Variants in B2M observed in about 807,000 individuals in gnomAD.
B2M encodes beta chain of MHC class I molecules.
A neutral mutation model predicts 14.5 loss-of-function variants in B2M; 3 were observed. The observed-to-expected ratio is 0.21, with a 90% CI of 0.09 to 0.53. The LOEUF (loss-of-function observed/expected upper bound fraction) is 0.53, where lower values mean the gene tolerates loss of function less well. B2M is among the 20% of genes least tolerant of loss of function. B2M has a pLI of 0.95. For synonymous variants in B2M, 45 were observed against 52.7 expected, an observed-to-expected ratio of 0.85 and a Z score of 0.64; for missense variants, 107 against 140.8, an observed-to-expected ratio of 0.76 and a Z score of 1.21.
In B2M at chr15:44,717,867, C is replaced by T. The variant is rs1229427253; in HGVS notation, c.*275C>T. ...AGAGAATTCTCTTATCCAACATCAA[C>T]ATCTTGGTCAGATTTGAACTCTTCA... On this transcript the variant is annotated 3_prime_UTR_variant, in exon 4 of 4. Transcript: ENST00000648006. The T allele has an allele frequency of 1.3e-5, 2 of 152,204 alleles. No homozygotes were observed. Among genetic ancestry groups the T allele is most frequent in the East Asian group, 3.8e-4 (2 of 5,204 alleles). 9.4% of individuals were successfully genotyped at this position (152,204 alleles called of 1,614,324 possible). A position where few individuals can be genotyped will look rare whatever the true frequency, so the allele number is the denominator to read the frequency against.
chr15:44,711,757 C>A, intron 1 of B2M, 144 bp downstream of exon 1: 1 of 1,114,688 alleles, frequency 9.0e-7, no homozygotes, highest in Non-Finnish European at 1.3e-6. Flanking sequence ...AGGGCTGGAT[C>A]TCGGGGAAGC....
chr15:44,712,030 C>A (rs925492573), intron 1 of B2M: 1 of 288,144 alleles, frequency 3.5e-6, no homozygotes, highest in Admixed American at 4.8e-5. Flanking sequence ...GGTTTGTGAA[C>A]GCGTGGAGGG....
intron 1 of B2M, among the ~76,000 whole-genome samples, chr15:44,712,204 G>A (rs571424868): frequency 7.2e-5 from 11 of 152,228 alleles, no homozygotes; most frequent in African/African-American, 2.4e-4. Flanking sequence ...GAAACAGCAC[G>A]CGACGTTTGT....
intron 3 of B2M, chr15:44,716,561 C>G (rs2086943746): frequency 3.2e-6 from 2 of 620,464 alleles, no homozygotes; most frequent in South Asian, 4.0e-5. Context: ...GGCCATATTA[C>G]TGACCCTCTA....
intron 2 of B2M, chr15:44,716,127 T>C: frequency 1.6e-6 from 1 of 640,620 alleles, no homozygotes; most frequent in Non-Finnish European, 2.7e-6. Context: ...ACTTCTCCAG[T>C]ACTTTCTGGC....
chr15:44,715,931 C>A (rs2086936418), intron 2 of B2M: 2 of 649,582 alleles, frequency 3.1e-6, no homozygotes, highest in Non-Finnish European at 5.4e-6. Flanking sequence ...CAGTAGTTTC[C>A]CTGCAGTTGA....
At chr15:44,711,933 C>T in intron 1 of B2M, 1 of 516,860 alleles carries the variant, frequency 1.9e-6, no homozygotes, top group Non-Finnish European at 3.5e-6. Context: ...GGGAGGGTTT[C>T]TCTTCCGCTC....
chr15:44,715,910 G>A (rs2086936135), intron 2 of B2M: 12 of 695,380 alleles, frequency 1.7e-5, no homozygotes, highest in Non-Finnish European at 1.7e-5. Flanking sequence ...TGCACAGCAT[G>A]GTTTCTGAAC....
At chr15:44,713,917 C>T (rs1411349895) in intron 1 of B2M, 9 of 152,138 alleles carry the variant, frequency 5.9e-5, no homozygotes, top group African/African-American at 1.2e-4. Flanking sequence ...CACAGCCTCC[C>T]AGACAAGGAG....
intron 2 of B2M, 53 bp downstream of exon 2, chr15:44,715,754 A>G: frequency 6.2e-7 from 1 of 1,603,782 alleles, no homozygotes; most frequent in Non-Finnish European, 8.5e-7. Flanking sequence ...GAGTAGTCAT[A>G]TCATAAAGCT....
At position 44,716,229 on chromosome 15, in the gene B2M, C is replaced by T. The variant is rs993726912; in HGVS notation, c.347-100C>T. Reference sequence around the variant, plus strand: ...TGGGTAGGAACAGCAGCCTATTCTGCCAGCCTTATTTCTAACCATTTTAGA... The same window carrying T: ...TGGGTAGGAACAGCAGCCTATTCTGTCAGCCTTATTTCTAACCATTTTAGA... On this transcript the variant is annotated intron_variant, in intron 2 of 3. Transcript: ENST00000648006. The T allele has an allele frequency of 1.3e-5, 18 of 1,395,836 alleles. No homozygotes were observed. In the Admixed American group the frequency reaches 2.6e-4, roughly 20 times the overall value. The allele number at this position is 1,395,836 out of a possible 1,614,324, so 86.5% of individuals were successfully genotyped here. A position where few individuals can be genotyped will look rare whatever the true frequency, so the allele number is the denominator to read the frequency against.
intron 2 of B2M, 98 bp downstream of exon 2, chr15:44,715,799 C>A: frequency 7.2e-7 from 1 of 1,397,896 alleles, no homozygotes. Flanking sequence ...GCCATACTAC[C>A]CTGAATGAGT....
chr15:44,714,611 C>G (rs994059862), intron 1 of B2M: 1 of 152,160 alleles, frequency 6.6e-6, no homozygotes, highest in Non-Finnish European at 1.5e-5. Flanking sequence ...AAAAATTAAC[C>G]AGGCATGGTG....
chr15:44,716,529 G>A, intron 3 of B2M, 173 bp downstream of exon 3: 3 of 716,104 alleles, frequency 4.2e-6, no homozygotes, highest in East Asian at 2.7e-5. Flanking sequence ...GTGGCATGAA[G>A]AAGGTGTATG....
intron 1 of B2M, chr15:44,711,850 C>A (rs2086873400): frequency 3.1e-6 from 2 of 637,080 alleles, no homozygotes; most frequent in Non-Finnish European, 5.6e-6. Flanking sequence ...GCAGGGGAGA[C>A]CTTTGGCCTA....
At chr15:44,712,056 G>A (rs1490198572) in intron 1 of B2M, 2 of 254,744 alleles carry the variant, frequency 7.9e-6, no homozygotes, top group Non-Finnish European at 1.6e-5. Context: ...TGGGGTCTGG[G>A]GGAGGCGTCG....
intron 1 of B2M, chr15:44,714,938 A>C: frequency 4.4e-5 from 9 of 203,368 alleles, no homozygotes; most frequent in South Asian, 7.4e-5. Flanking sequence ...ACATAAGAAA[A>C]AAAATGGAAG....
chr15:44,713,399 C>T (rs1415074731), intron 1 of B2M: 1 of 152,068 alleles, frequency 6.6e-6, no homozygotes, highest in Non-Finnish European at 1.5e-5. Flanking sequence ...ATGCATAGAC[C>T]ATTTCTGGAA....
At chr15:44,715,383 C>A in intron 1 of B2M, 40 bp from the exon 2 acceptor site, 1 of 1,598,628 alleles carries the variant, frequency 6.3e-7, no homozygotes. Flanking sequence ...AAGTGAAATA[C>A]CCTGGCAATA....
Sources: allele counts gnomAD v4.1 joint callset (sites outside exome capture counted in the v4.1 genomes callset), GRCh38; gene constraint gnomAD v4.1.1; transcripts MANE v1.5; gene names NCBI Gene and HGNC (gene_info 2026-07-23, HGNC 2026-07-21).